SMIM14: variants seen among roughly 807,000 people sequenced by gnomAD.
SMIM14 encodes the protein small integral membrane protein 14, also known as chromosome 4 open reading frame 34.
Under a neutral mutation model 12.6 loss-of-function variants are expected in SMIM14, and 5 were observed. The ratio of observed to expected loss-of-function variants is 0.40; its 90% CI spans 0.21 to 0.83. The LOEUF (loss-of-function observed/expected upper bound fraction) is 0.83, where lower values mean the gene tolerates loss of function less well. Ranked by LOEUF, SMIM14 falls within the 40% of genes least tolerant of loss-of-function variation. The pLI is 0.37. For missense variants in SMIM14, 86 were observed against 119.1 expected (o/e 0.72, Z 1.29); for synonymous variants, 30 against 40.1 (o/e 0.75, Z 0.95).
intron 3 of SMIM14, among the ~76,000 whole-genome samples, chr4:39,564,196 CA>C (rs1015980086): frequency 2.0e-4 from 31 of 152,302 alleles, no homozygotes; most frequent in African/African-American, 5.5e-4. Flanking sequence ...CTGGGGAAAG[CA>C]AAAACAGAAC....
At chr4:39,588,018 T>G (rs1270452963) in intron 2 of SMIM14, 1 of 152,218 alleles carries the variant, frequency 6.6e-6, no homozygotes. Flanking sequence ...CTGACAATAC[T>G]AGCTAAGGTT....
In SMIM14 at chr4:39,556,458, G is replaced by A; in HGVS notation, c.237C>T (p.Ser79=). ...GAGGACTGGTTGGCTTTCCAGGTAG[G>A]CTGGATCCTCTTAGATTAGGAGGTC... ...LLRPPNLRGS[S]LPGKPTSPHN... Residue 79 remains serine (S), a synonymous_variant, in exon 4 of 5, where the codon AGC becomes AGT. Transcript: ENST00000295958. 4 of 1,612,782 alleles carry A rather than the reference G, an allele frequency of 2.5e-6. No individual in the cohort carries two copies. The highest frequency in any genetic ancestry group is 3.4e-6 in the Non-Finnish European group (4 of 1,179,688).
intron 1 of SMIM14, among the ~76,000 whole-genome samples, chr4:39,632,098 T>C (rs1431965028): frequency 6.6e-6 from 1 of 152,010 alleles, no homozygotes; most frequent in African/African-American, 2.4e-5. Flanking sequence ...TCTTTAAAAA[T>C]AAAATATGCA....
At chr4:39,617,855 TTAAA>T (rs1290806951) in intron 1 of SMIM14, among the ~76,000 whole-genome samples, 1 of 152,214 alleles carries the variant, frequency 6.6e-6, no homozygotes, top group African/African-American at 2.4e-5. Flanking sequence ...TAGTATTTTG[TTAAA>T]TTAAGTTTAA....
intron 3 of SMIM14, among the ~76,000 whole-genome samples, chr4:39,560,640 G>A (rs777202471): frequency 4.6e-5 from 7 of 151,628 alleles, no homozygotes; most frequent in East Asian, 3.9e-4. Context: ...GCAAGACCCC[G>A]TCTCAAACAA....
chr4:39,626,572 G>A (rs750451812), intron 1 of SMIM14, among the ~76,000 whole-genome samples: 3 of 152,190 alleles, frequency 2.0e-5, no homozygotes, highest in Non-Finnish European at 4.4e-5. Context: ...AGAGAGTTCA[G>A]AGGAGGATAC....
At chr4:39,602,633 T>TA (rs1714661579) in intron 2 of SMIM14, among the ~76,000 whole-genome samples, 1 of 152,120 alleles carries the variant, frequency 6.6e-6, no homozygotes, top group African/African-American at 2.4e-5. Context: ...CTTTGCTTCA[T>TA]AAACAAATAT....
chr4:39,597,178 G>A (rs559922460), intron 2 of SMIM14, among the ~76,000 whole-genome samples: 17 of 148,976 alleles, frequency 1.1e-4, no homozygotes, highest in Non-Finnish European at 2.2e-4. Context: ...CTGGACATCT[G>A]AGAAGCAGAT....
rs368050603 is a variant in SMIM14 at position 39,625,565 on chromosome 4, C to T, written c.-36+13174G>A. 1.1e-4 allele frequency among the ~76,000 whole-genome samples: 16 copies of T among 152,150 alleles called. No individual in the cohort carries two copies. In the East Asian group the frequency reaches 2.3e-3, roughly 22 times the overall value. ...CCAGTGATTCTCTGCCTTAATCTCT[C>T]GAGTAATTGGCACTACAGGCACGCG... On this transcript the variant is annotated intron_variant, in intron 1 of 4. Coordinates refer to ENST00000295958, the MANE Select transcript of SMIM14 (RefSeq NM_174921.3).
intron 2 of SMIM14, among the ~76,000 whole-genome samples, chr4:39,581,845 G>A (rs1334085586): frequency 6.6e-6 from 1 of 150,830 alleles, no homozygotes; most frequent in Non-Finnish European, 1.5e-5. Flanking sequence ...TTACAGGCGT[G>A]AGCCACCATG....
intron 2 of SMIM14, among the ~76,000 whole-genome samples, chr4:39,597,367 T>C (rs1350228668): frequency 6.6e-6 from 1 of 151,934 alleles, no homozygotes; most frequent in East Asian, 1.9e-4. Context: ...TCAGGGAAAA[T>C]TGTACTTAGT....
Position 39,547,290 on chromosome 4 carries a change from C to T in SMIM14, c.*4836G>A, listed in dbSNP as rs1294505787. 1 of 151,866 alleles carries T rather than the reference C, an allele frequency of 6.6e-6. No individual in the cohort carries two copies. The highest frequency in any genetic ancestry group is 1.5e-5 in the Non-Finnish European group (1 of 67,846). The allele number at this position is 151,866 out of a possible 1,614,324, so 9.4% of individuals were successfully genotyped here. On this transcript the variant is annotated 3_prime_UTR_variant, in exon 5 of 5. Coordinates refer to ENST00000295958, the MANE Select transcript of SMIM14 (RefSeq NM_174921.3). ...CTTCCCACAAAAGCCAAACAGAAAA[C>T]ACAAAGTGTTACTAACGTTTTCTAT...
chr4:39,590,174 G>A (rs1359308016), intron 2 of SMIM14, among the ~76,000 whole-genome samples: 1 of 151,994 alleles, frequency 6.6e-6, no homozygotes, highest in African/African-American at 2.4e-5. Context: ...AGCACTTTGG[G>A]GGGCCAAGGC....
chr4:39,602,522 G>T (rs1714657406), intron 2 of SMIM14, among the ~76,000 whole-genome samples: 1 of 152,132 alleles, frequency 6.6e-6, no homozygotes, highest in Admixed American at 6.6e-5. Context: ...TTGAATCCAG[G>T]AGGCAGACGT....
intron 2 of SMIM14, among the ~76,000 whole-genome samples, chr4:39,578,995 A>C (rs1713353480): frequency 6.7e-6 from 1 of 148,970 alleles, no homozygotes; most frequent in African/African-American, 2.5e-5. Context: ...AGACTGTCAA[A>C]AAAAAAAAAA....
At chr4:39,594,294 C>A (rs1714257600) in intron 2 of SMIM14, 8 of 152,266 alleles carry the variant, frequency 5.3e-5, no homozygotes, top group Admixed American at 3.3e-4. Context: ...GAAAAACAAG[C>A]AATGGGGAAA....
chr4:39,618,748 A>G (rs892085130), intron 1 of SMIM14, among the ~76,000 whole-genome samples: 1 of 151,754 alleles, frequency 6.6e-6, no homozygotes, highest in African/African-American at 2.4e-5. Context: ...TACACTTCCC[A>G]AGCAGCAAGT....
intron 2 of SMIM14, among the ~76,000 whole-genome samples, chr4:39,575,842 G>A (rs1178373935): frequency 1.4e-5 from 2 of 147,682 alleles, no homozygotes; most frequent in African/African-American, 2.5e-5. Context: ...GGATCCACCC[G>A]CCTCAGCCTC....
chr4:39,556,162 G>GAA (rs34507945), intron 4 of SMIM14, among the ~76,000 whole-genome samples: 11 of 128,832 alleles, frequency 8.5e-5, no homozygotes, highest in African/African-American at 1.9e-4. Context: ...GACCCTGTCT[G>GAA]AAAAAAAAAA....
Sources: gnomAD v4.1 joint callset for allele counts (sites outside exome capture counted in the v4.1 genomes callset) on GRCh38, gnomAD v4.1.1 for gene constraint, MANE v1.5 for transcripts, NCBI Gene and HGNC (gene_info 2026-07-23, HGNC 2026-07-21) for gene names.